The following DCLK3 variants were observed in gnomAD, a reference collection of about 807,000 sequenced individuals.
DCLK3 encodes the protein serine/threonine-protein kinase DCLK3.
A neutral mutation model predicts 46.4 loss-of-function variants in DCLK3; 30 were observed. The observed-to-expected ratio is 0.65, with a 90% CI of 0.48 to 0.88. The LOEUF is 0.88. DCLK3 is among the 40% of genes least tolerant of loss of function. The probability of loss-of-function intolerance (pLI) is 0.00; values close to 1 mark genes in which losing one functional copy is unlikely to be tolerated. For missense variants in DCLK3, 846 were observed against 907.1 expected (o/e 0.93, Z 0.87); for synonymous variants, 401 against 339.2 (o/e 1.18, Z -2.00).
At chr3:36,761,785 T>A (rs1575149707) in intron 1 of DCLK3, among the ~76,000 whole-genome samples, 1 of 152,058 alleles carries the variant, frequency 6.6e-6, no homozygotes, top group Admixed American at 6.6e-5. Flanking sequence ...TGGAGGCTGG[T>A]GGAGACCTAC....
At position 36,737,406 on chromosome 3, in the gene DCLK3, A is replaced by T. The variant is rs768777296; in HGVS notation, c.1761T>A (p.His587Gln). The change falls in exon 2 of 5, where the codon CAT becomes CAA. Residue 587 changes from histidine to glutamine, a missense_variant. Around this residue, in one of 3 missense-constraint regions of DCLK3, gnomAD observed 247 missense variants for 322.8 expected, o/e 0.77. Coordinates refer to ENST00000636136, the MANE Select transcript of DCLK3 (RefSeq NM_001394672.2). The surrounding 1 kb of genome is among the most constrained non-coding windows in gnomAD (Gnocchi z 4.4). ...SLSHPNIVKL[H>Q]EVYETDMEIY... ...TTTCCATGTCTGTTTCGTAGACTTC[A>T]TGCAATTTCACGATGTTGGGGTGAG... 2 of 1,614,080 alleles carry T rather than the reference A, an allele frequency of 1.2e-6. No individual in the cohort carries two copies. Among genetic ancestry groups the T allele is most frequent in the Non-Finnish European group, 8.5e-7 (1 of 1,180,036 alleles).
At position 36,713,419 on chromosome 3, in the gene DCLK3, G is replaced by C. The variant is rs537344826; in HGVS notation, c.*1909C>G. 1 of 152,336 alleles carries C rather than the reference G, an allele frequency of 6.6e-6. No homozygotes were observed. Among genetic ancestry groups the C allele is most frequent in the Non-Finnish European group, 1.5e-5 (1 of 68,040 alleles). 9.4% of individuals were successfully genotyped at this position (152,336 alleles called of 1,614,324 possible). A position where few individuals can be genotyped will look rare whatever the true frequency, so the allele number is the denominator to read the frequency against. Reference sequence around the variant, plus strand: ...GTTACTGGTGTCTTTATCAAAATATGTTCTAGTAGCAACTGAATCCAGCTT... The same window carrying C: ...GTTACTGGTGTCTTTATCAAAATATCTTCTAGTAGCAACTGAATCCAGCTT... On this transcript the variant is annotated 3_prime_UTR_variant, in exon 5 of 5. Coordinates refer to ENST00000636136, the MANE Select transcript of DCLK3 (RefSeq NM_001394672.2).
intron 1 of DCLK3, among the ~76,000 whole-genome samples, chr3:36,763,807 A>C (rs964874528): frequency 6.6e-6 from 1 of 152,096 alleles, no homozygotes; most frequent in Non-Finnish European, 1.5e-5. Flanking sequence ...TGCACAATAA[A>C]TGTCAGCTCC....
At position 36,729,251 on chromosome 3, in the gene DCLK3, G is replaced by T. The variant is rs542812891; in HGVS notation, c.1960-7592C>A. Among the ~76,000 whole-genome samples the T allele has an allele frequency of 4.3e-4, 46 of 105,760 alleles. 3 individuals carry two copies. In the South Asian group the frequency reaches 0.012, roughly 27 times the overall value. The allele number at this position is 105,760 out of a possible 152,430, so 69.4% of individuals were successfully genotyped here. On this transcript the variant is annotated intron_variant, in intron 2 of 4. Coordinates refer to ENST00000636136, the MANE Select transcript of DCLK3 (RefSeq NM_001394672.2). ...TTTCCCGGGTTGTGTGTGTGTGTGGGGGGGGGGGGTACAAAAGCCCCCTTT... is the reference window on the plus strand; with the variant it reads ...TTTCCCGGGTTGTGTGTGTGTGTGGTGGGGGGGGGTACAAAAGCCCCCTTT...
chr3:36,753,635 C>T (rs1701462343), intron 1 of DCLK3, among the ~76,000 whole-genome samples: 2 of 152,266 alleles, frequency 1.3e-5, no homozygotes, highest in South Asian at 2.1e-4. Flanking sequence ...ACAGGAATTC[C>T]AGAGGTCTTT....
At chr3:36,716,340 T>G (rs1700979774) in intron 4 of DCLK3, among the ~76,000 whole-genome samples, 1 of 152,178 alleles carries the variant, frequency 6.6e-6, no homozygotes, top group Non-Finnish European at 1.5e-5. Context: ...GACCAGCTGC[T>G]TACCCACCAA....
At chr3:36,742,203 G>A (rs17250983) in intron 1 of DCLK3, among the ~76,000 whole-genome samples, 1 of 152,176 alleles carries the variant, frequency 6.6e-6, no homozygotes, top group Admixed American at 6.5e-5. Context: ...GTGGCCTCAA[G>A]TTCCCAAACA....
chr3:36,724,172 G>A (rs1418341008), intron 2 of DCLK3, among the ~76,000 whole-genome samples: 2 of 152,206 alleles, frequency 1.3e-5, no homozygotes, highest in Non-Finnish European at 2.9e-5. Context: ...CTTTCATGGG[G>A]CCTGTGGCCC....
At position 36,738,401 on chromosome 3, in the gene DCLK3, C is replaced by G; in HGVS notation, c.766G>C (p.Asp256His). Residue 256 changes from aspartate to histidine, a missense_variant, in exon 2 of 5, where the codon GAC becomes CAC. Coordinates refer to ENST00000636136, the MANE Select transcript of DCLK3 (RefSeq NM_001394672.2). ...CACTTCTTCTGGGTCCTCGCTCTGT[C>G]ATCTAGTGAAAGCTCCTCGGGGATC... The part of the protein sequence containing the change: ...GKIPEELSLD[D>H]RARTQKKWGR... 1 of 1,488,980 alleles carries G rather than the reference C, an allele frequency of 6.7e-7. No homozygotes were observed. Among genetic ancestry groups the G allele is most frequent in the Non-Finnish European group, 8.9e-7 (1 of 1,121,858 alleles). 92.2% of individuals were successfully genotyped at this position (1,488,980 alleles called of 1,614,324 possible).
intron 3 of DCLK3, among the ~76,000 whole-genome samples, chr3:36,719,596 G>A (rs1422166615): frequency 2.0e-5 from 3 of 152,054 alleles, no homozygotes; most frequent in African/African-American, 7.2e-5. Flanking sequence ...TCATCCCTGA[G>A]CTCTTGGCCT....
At position 36,737,565 on chromosome 3, in the gene DCLK3, C is replaced by T; in HGVS notation, c.1602G>A (p.Gly534=). 1 of 1,614,168 alleles carries T rather than the reference C, an allele frequency of 6.2e-7. No homozygotes were observed. The highest frequency in any genetic ancestry group is 8.5e-7 in the Non-Finnish European group (1 of 1,180,046). The change falls in exon 2 of 5, where the codon GGG becomes GGA. Residue 534 remains glycine (G), a synonymous_variant. Coordinates refer to ENST00000636136, the MANE Select transcript of DCLK3 (RefSeq NM_001394672.2). The surrounding 1 kb of genome is among the most constrained non-coding windows in gnomAD (Gnocchi z 4.4). ...TGCACTCCTTCACGACAGCAAAGTT[C>T]CCATCCCCAATGACCCGGCCAGTCT... is the stretch of plus-strand genomic sequence containing the variant. ...HYETGRVIGD[G]NFAVVKECRH... is the part of the protein sequence containing the mutation.
At position 36,738,589 on chromosome 3, in the gene DCLK3, C is replaced by A. The variant is rs56070233; in HGVS notation, c.578G>T (p.Arg193Leu). 6.4e-6 allele frequency: 9 copies of A among 1,406,698 alleles called. No individual in the cohort carries two copies. Among genetic ancestry groups the A allele is most frequent in the Non-Finnish European group, 8.4e-6 (9 of 1,077,148 alleles). 87.1% of individuals were successfully genotyped at this position (1,406,698 alleles called of 1,614,324 possible). The change falls in exon 2 of 5, where the codon CGG becomes CTG. Residue 193 changes from arginine (R) to leucine (L), a missense_variant. By Grantham distance (102) the Arg-to-Leu change is moderately radical. This residue lies in a region of DCLK3 where 553 missense variants were observed against 543.0 expected (regional missense o/e 1.02). Coordinates refer to ENST00000636136, the MANE Select transcript of DCLK3 (RefSeq NM_001394672.2). Reference sequence around the variant, plus strand: ...GCTGTGCTGGGCCAGTGTCAGGGCCCGGGCTTTGTTGGGGTACAGTTCTTC... The same window carrying A: ...GCTGTGCTGGGCCAGTGTCAGGGCCAGGGCTTTGTTGGGGTACAGTTCTTC... Reference protein sequence around the residue: ...AVEELYPNKARALTLAQHSRA... With the variant: ...AVEELYPNKALALTLAQHSRA...
At chr3:36,749,994 A>C (rs1019259843) in intron 1 of DCLK3, among the ~76,000 whole-genome samples, 2 of 152,208 alleles carry the variant, frequency 1.3e-5, no homozygotes, top group African/African-American at 4.8e-5. Context: ...GATCCCATGA[A>C]AGACACATTA....
intron 1 of DCLK3, among the ~76,000 whole-genome samples, chr3:36,755,655 G>A (rs1345256881): frequency 6.6e-6 from 1 of 152,170 alleles, no homozygotes; most frequent in African/African-American, 2.4e-5. Context: ...GAGGTCATGG[G>A]TAGCAGATCC....
At chr3:36,747,114 T>C (rs1313245727) in intron 1 of DCLK3, among the ~76,000 whole-genome samples, 4 of 152,206 alleles carry the variant, frequency 2.6e-5, no homozygotes, top group African/African-American at 4.8e-5. Context: ...CACGGTTCCT[T>C]TGACAAAAGA....
chr3:36,717,910 A>T (rs1181961145), intron 4 of DCLK3, 100 bp downstream of exon 4: 1 of 1,460,688 alleles, frequency 6.8e-7, no homozygotes, highest in Non-Finnish European at 9.4e-7. Flanking sequence ...TGACATGTTG[A>T]CAGTCCAACT....
At chr3:36,729,327 A>G (rs1701167564) in intron 2 of DCLK3, among the ~76,000 whole-genome samples, 1 of 150,614 alleles carries the variant, frequency 6.6e-6, no homozygotes, top group Non-Finnish European at 1.5e-5. Flanking sequence ...TCTCTTTTGC[A>G]GCCTAGCTAA....
At chr3:36,750,970 C>T (rs116425391) in intron 1 of DCLK3, among the ~76,000 whole-genome samples, 2,061 of 147,550 alleles carry the variant, frequency 0.014, 49 homozygotes, top group African/African-American at 0.048. Flanking sequence ...AGCCAGCCAA[C>T]ATCCAACTGG....
At chr3:36,746,344 T>G (rs1217492552) in intron 1 of DCLK3, among the ~76,000 whole-genome samples, 1 of 152,230 alleles carries the variant, frequency 6.6e-6, no homozygotes, top group East Asian at 1.9e-4. Flanking sequence ...TGGGATTGAC[T>G]GCTCCATCTC....
Sources: gnomAD v4.1 joint callset for allele counts (sites outside exome capture counted in the v4.1 genomes callset) on GRCh38, gnomAD v4.1.1 for gene constraint, gnomAD v4.1.1 regional missense constraint, Gnocchi (gnomAD v3.1) non-coding constraint, MANE v1.5 for transcripts, NCBI Gene and HGNC (gene_info 2026-07-23, HGNC 2026-07-21) for gene names.